The following MYOM2 variants were observed in gnomAD, a reference collection of about 807,000 sequenced individuals.
The protein encoded by MYOM2 is myomesin-2.
MYOM2 carries 254 observed loss-of-function variants against 187.6 expected under a neutral mutation model. The observed-to-expected ratio is 1.35, with a 90% CI of 1.22 to 1.50. MYOM2 has a LOEUF of 1.50. MYOM2 is among the 40% of genes most tolerant of loss of function. The pLI is 0.00. For missense variants in MYOM2, 2,796 were observed against 1,924.0 expected (o/e 1.45, Z -8.48); for synonymous variants, 981 against 753.8 (o/e 1.30, Z -4.94).
chr8:2,092,220 G>C, intron 15 of MYOM2, 126 bp from the exon 16 acceptor site: 1 of 1,159,332 alleles, frequency 8.6e-7, no homozygotes, highest in Non-Finnish European at 1.2e-6. Context: ...TGGACCCCTT[G>C]TCTGAATTTC....
At chr8:2,061,242 C>A (rs889612072) in intron 6 of MYOM2, among the ~76,000 whole-genome samples, 1 of 151,790 alleles carries the variant, frequency 6.6e-6, no homozygotes, top group African/African-American at 2.4e-5. Context: ...CGTCTCTGTC[C>A]CCGTCCAGCC....
rs200681518 is a variant in MYOM2 at position 2,076,236 on chromosome 8, C to T, written c.1216C>T (p.Pro406Ser). ...RDYVIVTWKP[P>S]NTTTESPVMG... ...CTACGTCATCGTGACCTGGAAGCCG[C>T]CCAACACCACCACTGAGAGCCCCGT... The change falls in exon 11 of 37, where the codon CCC (proline) becomes TCC (serine). Residue 406 changes from proline (P) to serine (S), a missense_variant. Physicochemically the swap from Pro to Ser is moderately conservative, Grantham distance 74 (BLOSUM62 -1). Transcript: ENST00000262113. 1,374 of 1,613,710 alleles carry T rather than the reference C, an allele frequency of 8.5e-4. 20 individuals are homozygous for T. In the South Asian group the frequency reaches 0.014, roughly 17 times the overall value.
At chr8:2,059,539 G>T (rs1330982921) in intron 6 of MYOM2, among the ~76,000 whole-genome samples, 3 of 152,102 alleles carry the variant, frequency 2.0e-5, no homozygotes, top group Non-Finnish European at 4.4e-5. Context: ...AGCTTTCATT[G>T]ACACCTCCTG....
At chr8:2,123,085 C>T (rs1361975895) in intron 28 of MYOM2, among the ~76,000 whole-genome samples, 167 bp from the exon 29 acceptor site, 4 of 152,222 alleles carry the variant, frequency 2.6e-5, no homozygotes, top group South Asian at 2.1e-4. Context: ...ATGTGTTTGA[C>T]GTTATTGGGA....
chr8:2,061,462 C>T (rs1818849298), intron 6 of MYOM2, among the ~76,000 whole-genome samples: 2 of 152,206 alleles, frequency 1.3e-5, no homozygotes, highest in Admixed American at 6.5e-5. Flanking sequence ...AACTCTTCCT[C>T]TTCCTGCCTT....
chr8:2,093,748 C>G (rs189988229), intron 16 of MYOM2, among the ~76,000 whole-genome samples: 1 of 152,352 alleles, frequency 6.6e-6, no homozygotes, highest in African/African-American at 2.4e-5. Context: ...ACTCACAGAA[C>G]AAGTGGCTTT....
At chr8:2,082,142 G>A (rs553371729) in intron 13 of MYOM2, 1 of 152,324 alleles carries the variant, frequency 6.6e-6, no homozygotes, top group African/African-American at 2.4e-5. Context: ...GACGCTTTGT[G>A]TGCATTGAAC....
rs1385942826 is a variant in MYOM2 at position 2,124,181 on chromosome 8, TATGATG to T, written c.3661_3666del (p.Asp1221_Asp1222del). 3.1e-6 allele frequency: 5 copies of T among 1,612,516 alleles called. No individual in the cohort carries two copies. Among genetic ancestry groups the T allele is most frequent in the Non-Finnish European group, 4.2e-6 (5 of 1,179,066 alleles). On this transcript the variant is annotated inframe_deletion, in exon 31 of 37. Transcript: ENST00000262113. The stretch of plus-strand genomic sequence containing the variant: ...TGCGTATCCCTTCTCATTTTCAGTG[TATGATG>T]ATATGATTTTGGCAATGAGTAGAGT...
intron 21 of MYOM2, among the ~76,000 whole-genome samples, chr8:2,103,243 G>A (rs1330160715): frequency 7.1e-6 from 1 of 141,264 alleles, no homozygotes; most frequent in Non-Finnish European, 1.6e-5. Flanking sequence ...TGTGTATATG[G>A]ATAAATGAGT....
intron 32 of MYOM2, among the ~76,000 whole-genome samples, chr8:2,139,376 T>C (rs1012936037): frequency 1.3e-5 from 2 of 151,818 alleles, no homozygotes; most frequent in African/African-American, 4.8e-5. Context: ...CCTGGGCTCA[T>C]GTGTTCCTCT....
Position 2,052,201 on chromosome 8 carries a change from C to A in MYOM2, c.151C>A (p.Arg51=). 6.2e-7 allele frequency: 1 copy of A among 1,613,134 alleles called. No individual in the cohort carries two copies. The highest frequency in any genetic ancestry group is 1.3e-5 in the African/African-American group (1 of 75,008). Reference sequence around the variant, plus strand: ...ATCTTCCCAGAAGTCCTTGAGTCAGCGGTCGTCTTCACAGAGAGCCTCCAG... The same window carrying A: ...ATCTTCCCAGAAGTCCTTGAGTCAGAGGTCGTCTTCACAGAGAGCCTCCAG... ...QASSQKSLSQ[R]SSSQRASSQT... The change falls in exon 3 of 37, where the codon CGG becomes AGG. Residue 51 remains arginine (R), a synonymous_variant. Transcript: ENST00000262113.
At chr8:2,076,577 GC>G (rs1444869570) in intron 11 of MYOM2, 1 of 357,482 alleles carries the variant, frequency 2.8e-6, no homozygotes, top group East Asian at 5.7e-5. Context: ...TCTGAGCCCC[GC>G]GCTGTGGTTC....
intron 32 of MYOM2, among the ~76,000 whole-genome samples, chr8:2,138,483 C>T (rs145923322): frequency 4.6e-5 from 7 of 152,306 alleles, no homozygotes; most frequent in African/African-American, 7.2e-5. Flanking sequence ...CCGATTCTCC[C>T]GCCTCTTTCC....
chr8:2,086,494 C>CCCCCACTGTTGTGATCTCTGTGTGG, intron 14 of MYOM2, among the ~76,000 whole-genome samples: 1 of 132,932 alleles, frequency 7.5e-6, no homozygotes, highest in Non-Finnish European at 1.6e-5. Flanking sequence ...TCTGTGTGGC[C>CCCCCACTGTTGTGATCTCTGTGTGG]CCCCACTGTC....
In MYOM2 at chr8:2,100,992, G is replaced by C. The variant is rs772703268; in HGVS notation, c.2557G>C (p.Glu853Gln). Residue 853 changes from glutamate (E) to glutamine (Q), a missense_variant, in exon 20 of 37, where the codon GAG becomes CAG. Transcript: ENST00000262113. ...TTCTGGATATTTCGTGGACTTCAGG[G>C]AGGAGGATGCTGGAGAGTGGATCAC... ...PVSGYFVDFR[E>Q]EDAGEWITVN... 2.5e-6 allele frequency: 4 copies of C among 1,614,068 alleles called. No homozygotes were observed. Among genetic ancestry groups the C allele is most frequent in the African/African-American group, 2.7e-5 (2 of 74,926 alleles).
At chr8:2,049,302 G>A (rs773278053) in intron 1 of MYOM2, among the ~76,000 whole-genome samples, 28 of 152,168 alleles carry the variant, frequency 1.8e-4, no homozygotes, top group Non-Finnish European at 3.2e-4. Flanking sequence ...TCTTCTACAT[G>A]CTTTTGGGGA....
At chr8:2,098,767 T>G in intron 18 of MYOM2, 90 bp from the exon 19 acceptor site, 1 of 1,358,420 alleles carries the variant, frequency 7.4e-7, no homozygotes, top group Non-Finnish European at 9.9e-7. Context: ...TCATATTTTA[T>G]TTCACAAGCC....
At position 2,096,403 on chromosome 8, in the gene MYOM2, A is replaced by G. The variant is rs759303790; in HGVS notation, c.2282A>G (p.Asn761Ser). The stretch of plus-strand genomic sequence containing the variant: ...CACCATAAAAACTGGCACGAGGTCA[A>G]TTCCTCACCCAGCAAACCGACAATC... ...EVHHKNWHEV[N>S]SSPSKPTILT... Residue 761 changes from asparagine (N) to serine (S), a missense_variant, in exon 18 of 37, where the codon AAT becomes AGT. By Grantham distance (46) the Asn-to-Ser change is conservative. Transcript: ENST00000262113. 2.3e-5 allele frequency: 37 copies of G among 1,614,106 alleles called. No individual in the cohort carries two copies. In the Middle Eastern group the frequency reaches 6.6e-4, roughly 29 times the overall value.
chr8:2,124,664 G>C (rs893556647), intron 31 of MYOM2, among the ~76,000 whole-genome samples: 2 of 152,030 alleles, frequency 1.3e-5, no homozygotes, highest in Admixed American at 6.5e-5. Context: ...CTTGTTTTTG[G>C]AGGAAACTCC....
Sources: allele counts gnomAD v4.1 joint callset (sites outside exome capture counted in the v4.1 genomes callset), GRCh38; gene constraint gnomAD v4.1.1; transcripts MANE v1.5; gene names NCBI Gene and HGNC (gene_info 2026-07-23, HGNC 2026-07-21).